ITPRID1: variants seen among roughly 807,000 people sequenced by gnomAD.
ITPRID1 encodes protein ITPRID1.
In ITPRID1, 96 loss-of-function variants were observed where a neutral mutation model predicts 95.4. That is an observed-to-expected ratio of 1.01 (90% CI 0.85 to 1.19). The LOEUF (loss-of-function observed/expected upper bound fraction) is 1.19, where lower values mean the gene tolerates loss of function less well. Ranked by LOEUF, ITPRID1 falls within the 50% of genes most tolerant of loss-of-function variation. The probability of loss-of-function intolerance (pLI) is 0.00; values close to 1 mark genes in which losing one functional copy is unlikely to be tolerated. For missense variants in ITPRID1, 1,339 were observed against 1,252.9 expected (o/e 1.07, Z -1.04); for synonymous variants, 510 against 453.6 (o/e 1.12, Z -1.58).
chr7:31,637,070 AT>A (rs1489173015), intron 10 of ITPRID1, among the ~76,000 whole-genome samples: 4 of 151,740 alleles, frequency 2.6e-5, no homozygotes, highest in South Asian at 2.1e-4. Context: ...TGAATTCATC[AT>A]TTTTTTATGG....
At chr7:31,657,040 T>TAC (rs374612500), downstream of ITPRID1, among the ~76,000 whole-genome samples, 278 of 147,282 alleles carry the variant, frequency 1.9e-3, 1 homozygote, top group Middle Eastern at 7.2e-3. Context: ...TGTATGTGTA[T>TAC]ACACACACAC....
At chr7:31,645,278 T>C (rs994624016) in intron 12 of ITPRID1, among the ~76,000 whole-genome samples, 4 of 152,206 alleles carry the variant, frequency 2.6e-5, no homozygotes, top group Admixed American at 6.5e-5. Context: ...TACTTGGCCT[T>C]TCAATGTATA....
chr7:31,604,954 G>A (rs1410203461), intron 10 of ITPRID1, among the ~76,000 whole-genome samples: 1 of 152,018 alleles, frequency 6.6e-6, no homozygotes, highest in Admixed American at 6.6e-5. Context: ...TAGCCAATAT[G>A]GTGAAACCTC....
Position 31,628,161 on chromosome 7 carries a change from G to C in ITPRID1, c.1229-14015G>C, listed in dbSNP as rs188896541. On this transcript the variant is annotated intron_variant, in intron 10 of 14. Transcript: ENST00000615280. ...AAAGGACGGCAGCCATTTTCAAAAA[G>C]TGCCCTGAAGGAGGGAGTGGTCAAT... Among the ~76,000 whole-genome samples the C allele has an allele frequency of 1.1e-3, 169 of 152,322 alleles. 1 individual carries two copies. Among genetic ancestry groups the C allele is most frequent in the Non-Finnish European group, 2.1e-3 (145 of 68,032 alleles).
At chr7:31,638,080 G>A (rs1465629361) in intron 10 of ITPRID1, among the ~76,000 whole-genome samples, 1 of 152,146 alleles carries the variant, frequency 6.6e-6, no homozygotes, top group African/African-American at 2.4e-5. Flanking sequence ...AAAGTGTGCA[G>A]GGCCATTTGC....
downstream of ITPRID1, chr7:31,658,228 T>G: frequency 6.9e-7 from 1 of 1,456,632 alleles, no homozygotes; most frequent in Non-Finnish European, 9.0e-7. Flanking sequence ...CCCAGAAAAA[T>G]GTTGCATTAG....
chr7:31,590,873 G>A (rs1610060), intron 10 of ITPRID1, among the ~76,000 whole-genome samples: 148,518 of 152,326 alleles, frequency 0.98, 72,420 homozygotes, highest in East Asian at 0.99. Flanking sequence ...GGTAGGCACT[G>A]TTACTATTTC....
intron 5 of ITPRID1, among the ~76,000 whole-genome samples, chr7:31,567,287 T>A (rs1447906370): frequency 1.3e-5 from 2 of 152,250 alleles, no homozygotes; most frequent in Admixed American, 6.5e-5. Flanking sequence ...AGCATTTATA[T>A]ATTCTCTTTA....
At chr7:31,615,752 C>CTT (rs11324820) in intron 10 of ITPRID1, among the ~76,000 whole-genome samples, 2 of 143,406 alleles carry the variant, frequency 1.4e-5, no homozygotes, top group South Asian at 2.2e-4. Context: ...ACTGAGAATT[C>CTT]TTTTTTTTTT....
At chr7:31,606,107 A>G (rs1786609811) in intron 10 of ITPRID1, among the ~76,000 whole-genome samples, 1 of 152,208 alleles carries the variant, frequency 6.6e-6, no homozygotes, top group African/African-American at 2.4e-5. Context: ...GGTCTAAGGG[A>G]GTTTCAAAGT....
chr7:31,578,362 A>G lies in ITPRID1; in HGVS notation c.1098A>G (p.Leu366=). ...AGGGCAGAACTCAGAAGGAGAACTT[A>G]TTTCAGACTAACAAGCTCAAGAGCT... ...SVKGRTQKEN[L]FQTNKLKSLS... Residue 366 remains leucine (L), a synonymous_variant, in exon 9 of 15, where the codon TTA becomes TTG. Coordinates refer to ENST00000615280, the MANE Select transcript of ITPRID1 (RefSeq NM_001257967.3). 6.2e-6 allele frequency: 10 copies of G among 1,613,766 alleles called. No individual in the cohort carries two copies. Among genetic ancestry groups the G allele is most frequent in the Non-Finnish European group, 8.5e-6 (10 of 1,179,800 alleles).
At chr7:31,620,071 A>G (rs1484715224) in intron 10 of ITPRID1, among the ~76,000 whole-genome samples, 3 of 152,140 alleles carry the variant, frequency 2.0e-5, no homozygotes, top group Non-Finnish European at 4.4e-5. Context: ...GCCCGCCATT[A>G]CCCAGGCTTG....
intron 1 of ITPRID1, among the ~76,000 whole-genome samples, chr7:31,526,507 TTAAG>T (rs1322241837): frequency 6.6e-6 from 1 of 152,190 alleles, no homozygotes; most frequent in Non-Finnish European, 1.5e-5. Flanking sequence ...TGTGTGAGAA[TTAAG>T]TAAGAAAATG....
intron 4 of ITPRID1, 106 bp from the exon 5 acceptor site, chr7:31,554,752 C>G (rs1353081262): frequency 1.8e-6 from 2 of 1,096,472 alleles, no homozygotes; most frequent in Non-Finnish European, 2.7e-6. Flanking sequence ...TCCTCTCTTA[C>G]TAAAACCTAA....
At position 31,652,026 on chromosome 7, in the gene ITPRID1, G is replaced by A; in HGVS notation, c.2799G>A (p.Gln933=). Residue 933 remains glutamine, a synonymous_variant, in exon 14 of 15, where the codon CAG becomes CAA. Transcript: ENST00000615280. ...AATTTCAGTTAGGAGACCGGGCTCA[G>A]CAAATCAGAGAAGGGATTTTACTGG... ...ELEFQLGDRA[Q]QIREGILLQL... The A allele has an allele frequency of 6.2e-7, 1 of 1,601,526 alleles. No homozygotes were observed. Among genetic ancestry groups the A allele is most frequent in the South Asian group, 1.1e-5 (1 of 88,160 alleles).
chr7:31,606,390 G>A (rs931017031), intron 10 of ITPRID1, among the ~76,000 whole-genome samples: 1 of 151,826 alleles, frequency 6.6e-6, no homozygotes, highest in Non-Finnish European at 1.5e-5. Flanking sequence ...TTATATCTAT[G>A]ATAAAAAGTC....
At chr7:31,533,285 G>A (rs1783659812) in intron 1 of ITPRID1, among the ~76,000 whole-genome samples, 1 of 152,054 alleles carries the variant, frequency 6.6e-6, no homozygotes, top group Admixed American at 6.6e-5. Context: ...TTTGTCAAAT[G>A]TATTGTCATG....
chr7:31,619,754 CGCAGGTCAGTGGGT>C (rs1191936013), intron 10 of ITPRID1, among the ~76,000 whole-genome samples: 1 of 152,196 alleles, frequency 6.6e-6, no homozygotes, highest in African/African-American at 2.4e-5. Context: ...AGACAGTGGG[CGCAGGTCAGTGGGT>C]GCAGCGCACC....
At chr7:31,574,802 C>T (rs1020884400) in intron 8 of ITPRID1, 60 bp downstream of exon 8, 11 of 1,473,220 alleles carry the variant, frequency 7.5e-6, no homozygotes, top group Non-Finnish European at 1.0e-5. Flanking sequence ...GCAGGTGGGC[C>T]ACAGTGTAGG....
Sources: gnomAD v4.1 joint callset for allele counts (sites outside exome capture counted in the v4.1 genomes callset) on GRCh38, gnomAD v4.1.1 for gene constraint, MANE v1.5 for transcripts, NCBI Gene and HGNC (gene_info 2026-07-23, HGNC 2026-07-21) for gene names.